The following PDZD2 variants were observed in gnomAD, a reference collection of about 807,000 sequenced individuals.
PDZD2 encodes the protein PDZ domain-containing protein 2.
PDZD2 carries 90 observed loss-of-function variants against 220.7 expected under a neutral mutation model. That is an observed-to-expected ratio of 0.41 (90% CI 0.34 to 0.49). PDZD2 has a LOEUF of 0.49. Among genes scored for constraint, PDZD2 ranks in the 20% least tolerant of loss-of-function variants. The probability of loss-of-function intolerance (pLI) is 0.28; values close to 1 mark genes in which losing one functional copy is unlikely to be tolerated. For synonymous variants in PDZD2, 1,375 were observed against 1,450.5 expected (o/e 0.95, Z 1.18); for missense variants, 3,174 against 3,608.5 (o/e 0.88, Z 3.08).
intron 2 of PDZD2, among the ~76,000 whole-genome samples, chr5:31,889,872 T>G (rs1404451095): frequency 6.6e-6 from 1 of 151,978 alleles, no homozygotes; most frequent in African/African-American, 2.4e-5. Context: ...TGTACAAAAA[T>G]TAGCCGGGTG....
Position 32,072,265 on chromosome 5 carries a change from G to A in PDZD2, c.2673G>A (p.Pro891=), listed in dbSNP as rs144560810. The A allele has an allele frequency of 6.1e-5, 99 of 1,614,116 alleles. No homozygotes were observed. Among genetic ancestry groups the A allele is most frequent in the African/African-American group, 3.5e-4 (26 of 75,052 alleles). ...MVAGSEDEDH[P]GSGCSTSEEG... is the part of the protein sequence containing the mutation. ...CCGGTTCTGAGGACGAGGATCACCC[G>A]GGAAGTGGCTGCAGCACGTCGGAGG... The change falls in exon 17 of 25, where the codon CCG becomes CCA. Residue 891 remains proline, a synonymous_variant. Transcript: ENST00000438447.
Position 32,074,576 on chromosome 5 carries a change from C to T in PDZD2, c.3470C>T (p.Ser1157Leu), listed in dbSNP as rs768520079. 34 of 1,613,822 alleles carry T rather than the reference C, an allele frequency of 2.1e-5. No homozygotes were observed. The highest frequency in any genetic ancestry group is 2.7e-5 in the Non-Finnish European group (32 of 1,179,976). Residue 1157 changes from serine to leucine, a missense_variant, in exon 18 of 25, where the codon TCG becomes TTG. Around this residue, in one of 4 missense-constraint regions of PDZD2, gnomAD observed 1,861 missense variants for 2,001.0 expected, o/e 0.93. Coordinates refer to ENST00000438447, the MANE Select transcript of PDZD2 (RefSeq NM_178140.4). The part of the protein sequence containing the change: ...GRANDPCDLD[S>L]RVQATSVKVT... ...GCCAATGATCCATGCGATCTGGACT[C>T]GAGAGTCCAGGCCACTTCTGTCAAA...
intron 3 of PDZD2, among the ~76,000 whole-genome samples, chr5:31,989,931 G>A (rs969215118): frequency 3.3e-5 from 5 of 152,162 alleles, no homozygotes; most frequent in Admixed American, 1.3e-4. Flanking sequence ...CCTCAGTTCT[G>A]CCATCCCCAG....
Position 31,646,053 on chromosome 5 carries a change from C to T in PDZD2, c.-361+6616C>T, listed in dbSNP as rs968528323. On this transcript the variant is annotated intron_variant, in intron 1 of 24. Coordinates refer to ENST00000438447, the MANE Select transcript of PDZD2 (RefSeq NM_178140.4). This position sits in a 1 kb window ranked among gnomAD's most constrained non-coding sequence, Gnocchi z 4.7. ...CAGGGAGCTTTGCACTGCGGGGGGGCCTTCTCACTACTGTCACTCCTAGGG... is the reference window on the plus strand; with the variant it reads ...CAGGGAGCTTTGCACTGCGGGGGGGTCTTCTCACTACTGTCACTCCTAGGG... Among the ~76,000 whole-genome samples, 1 of 151,480 alleles carries T rather than the reference C, an allele frequency of 6.6e-6. No individual in the cohort carries two copies. Among genetic ancestry groups the T allele is most frequent in the Non-Finnish European group, 1.5e-5 (1 of 67,872 alleles).
rs557231917 is a variant in PDZD2 at position 32,071,904 on chromosome 5, G to A, written c.2569-257G>A. Among the ~76,000 whole-genome samples, 4 of 152,276 alleles carry A rather than the reference G, an allele frequency of 2.6e-5. No homozygotes were observed. The East Asian group carries it at 7.7e-4, about 29-fold the overall frequency. On this transcript the variant is annotated intron_variant, in intron 16 of 24. Coordinates refer to ENST00000438447, the MANE Select transcript of PDZD2 (RefSeq NM_178140.4). ...GGATGGCTGATGTGTTGCTGCTGTG[G>A]CTTTTCCGATCATTGCCAAAAATTT...
Position 32,074,400 on chromosome 5 carries a change from G to A in PDZD2, c.3294G>A (p.Pro1098=), listed in dbSNP as rs769175360. Residue 1098 remains proline (P), a synonymous_variant, in exon 18 of 25, where the codon CCG becomes CCA. Transcript: ENST00000438447. The part of the protein sequence containing the change: ...EYTVRTDTQS[P]TNTGSPSSPQ... ...CAGTCCGTACAGACACCCAGAGTCC[G>A]ACGAACACTGGGAGCCCCAGTTCCC... 6.1e-5 allele frequency: 98 copies of A among 1,614,054 alleles called. No individual in the cohort carries two copies. Among genetic ancestry groups the A allele is most frequent in the African/African-American group, 1.5e-4 (11 of 74,928 alleles).
intron 1 of PDZD2, among the ~76,000 whole-genome samples, chr5:31,729,427 A>C (rs1749382025): frequency 6.6e-6 from 1 of 152,094 alleles, no homozygotes; most frequent in South Asian, 2.1e-4. Flanking sequence ...GATCCTCACA[A>C]TCACCCTGCA....
At chr5:31,717,418 A>G (rs1580613635) in intron 1 of PDZD2, among the ~76,000 whole-genome samples, 1 of 152,196 alleles carries the variant, frequency 6.6e-6, no homozygotes, top group South Asian at 2.1e-4. Flanking sequence ...GCCCTATTAA[A>G]AGCCACAGTC....
intron 1 of PDZD2, among the ~76,000 whole-genome samples, chr5:31,750,891 G>C (rs541392527): frequency 6.6e-6 from 1 of 152,078 alleles, no homozygotes; most frequent in Non-Finnish European, 1.5e-5. Flanking sequence ...TGAAAGCCAC[G>C]GTGAAGACTT....
chr5:31,885,757 A>C (rs913023862), intron 2 of PDZD2, among the ~76,000 whole-genome samples: 1 of 152,190 alleles, frequency 6.6e-6, no homozygotes, highest in African/African-American at 2.4e-5. Context: ...TTTTTTCTAT[A>C]CGAATATAGC....
chr5:31,736,894 C>T (rs1749892401), intron 1 of PDZD2, among the ~76,000 whole-genome samples: 1 of 152,000 alleles, frequency 6.6e-6, no homozygotes, highest in Admixed American at 6.6e-5. Flanking sequence ...GTGGCACCTC[C>T]CCCCAATTCT....
chr5:31,788,916 A>G (rs1258322622), intron 1 of PDZD2, among the ~76,000 whole-genome samples: 1 of 152,232 alleles, frequency 6.6e-6, no homozygotes, highest in Non-Finnish European at 1.5e-5. Context: ...GAACTCAGTA[A>G]TAACTGCTAA....
At position 31,927,214 on chromosome 5, in the gene PDZD2, A is replaced by G. The variant is rs565210254; in HGVS notation, c.477-55941A>G. On this transcript the variant is annotated intron_variant, in intron 2 of 24. Coordinates refer to ENST00000438447, the MANE Select transcript of PDZD2 (RefSeq NM_178140.4). ...CATATATACCCCTGGATCTAAAACAAAAGTAGAAATTTTAAAAAATTAAAT... is the reference window on the plus strand; with the variant it reads ...CATATATACCCCTGGATCTAAAACAGAAGTAGAAATTTTAAAAAATTAAAT... 4.6e-5 allele frequency among the ~76,000 whole-genome samples: 7 copies of G among 152,302 alleles called. No individual in the cohort carries two copies. The East Asian group carries it at 1.4e-3, about 29-fold the overall frequency.
rs72293245 is a variant in PDZD2 at position 32,033,623 on chromosome 5, CT to C, written c.1408-3594del. On this transcript the variant is annotated intron_variant, in intron 6 of 24. Coordinates refer to ENST00000438447, the MANE Select transcript of PDZD2 (RefSeq NM_178140.4). ...TTAGGTAGCCACATACACCATCTCTCTTTTTTTTTTTTTTGAGACAGAGCCT... is the reference window on the plus strand; with the variant it reads ...TTAGGTAGCCACATACACCATCTCTCTTTTTTTTTTTTTGAGACAGAGCCT... Among the ~76,000 whole-genome samples the C allele has an allele frequency of 9.6e-3, 1,412 of 146,958 alleles. 19 individuals are homozygous for C. The highest frequency in any genetic ancestry group is 0.031 in the African/African-American group (1,232 of 39,782).
At chr5:31,846,588 T>A (rs1038090510) in intron 2 of PDZD2, among the ~76,000 whole-genome samples, 1 of 152,228 alleles carries the variant, frequency 6.6e-6, no homozygotes, top group African/African-American at 2.4e-5. Context: ...ATTAACTACA[T>A]CTGGAACACC....
intron 2 of PDZD2, among the ~76,000 whole-genome samples, chr5:31,863,940 G>A (rs191507137): frequency 1.3e-5 from 2 of 152,116 alleles, no homozygotes; most frequent in African/African-American, 2.4e-5. Flanking sequence ...GCATGTGAGC[G>A]TAACTTACAG....
intron 1 of PDZD2, among the ~76,000 whole-genome samples, chr5:31,724,629 C>T (rs1749018812): frequency 6.7e-6 from 1 of 149,216 alleles, no homozygotes; most frequent in Non-Finnish European, 1.5e-5. Context: ...AAAAAAAACT[C>T]CCTGAAAATA....
chr5:31,663,286 G>T (rs1580533507), intron 1 of PDZD2, among the ~76,000 whole-genome samples: 1 of 152,150 alleles, frequency 6.6e-6, no homozygotes, highest in Non-Finnish European at 1.5e-5. Context: ...TTCTAATCTT[G>T]TATGTTATAA....
chr5:32,054,312 C>CTTTTTTTTT lies in PDZD2; in HGVS notation c.1900+447_1900+455dup, dbSNP rs57135705. On this transcript the variant is annotated intron_variant, in intron 10 of 24. Coordinates refer to ENST00000438447, the MANE Select transcript of PDZD2 (RefSeq NM_178140.4). The stretch of plus-strand genomic sequence containing the variant: ...CATAGTCTGGTTCCTAAATGAACAT[C>CTTTTTTTTT]TTTTTTTTTTTTTTTTTTTTTTTTT... Among the ~76,000 whole-genome samples the CTTTTTTTTT allele has an allele frequency of 3.4e-3, 234 of 69,324 alleles. 38 individuals carry two copies. The highest frequency in any genetic ancestry group is 9.8e-3 in the African/African-American group (181 of 18,480). 45.5% of individuals were successfully genotyped at this position (69,324 alleles called of 152,430 possible). A position where few individuals can be genotyped will look rare whatever the true frequency, so the allele number is the denominator to read the frequency against.
Sources: allele counts gnomAD v4.1 joint callset (sites outside exome capture counted in the v4.1 genomes callset), GRCh38; gene constraint gnomAD v4.1.1; regional missense constraint gnomAD v4.1.1; non-coding constraint Gnocchi (gnomAD v3.1); transcripts MANE v1.5; gene names NCBI Gene and HGNC (gene_info 2026-07-23, HGNC 2026-07-21).